The following CERS3 variants were observed in gnomAD, a reference collection of about 807,000 sequenced individuals.
The protein encoded by CERS3 is LAG1 homolog, ceramide synthase 3.
In CERS3, 33 loss-of-function variants were observed where a neutral mutation model predicts 50.3. That is an observed-to-expected ratio of 0.66 (90% CI 0.50 to 0.88). The LOEUF (loss-of-function observed/expected upper bound fraction) is 0.88, where lower values mean the gene tolerates loss of function less well. CERS3 is among the 40% of genes least tolerant of loss of function. The pLI is 0.00. For missense variants in CERS3, 470 were observed against 460.3 expected (o/e 1.02, Z -0.19); for synonymous variants, 176 against 155.2 (o/e 1.13, Z -0.99).
At chr15:100,474,459 C>A (rs2035061998) in intron 8 of CERS3, among the ~76,000 whole-genome samples, 1 of 151,720 alleles carries the variant, frequency 6.6e-6, no homozygotes, top group Non-Finnish European at 1.5e-5. Flanking sequence ...GGCTGCAGTG[C>A]AGTGGTGCGA....
At chr15:100,501,878 T>C (rs1394047346) in intron 2 of CERS3, 28 bp from the exon 3 acceptor site, 2 of 1,607,422 alleles carry the variant, frequency 1.2e-6, no homozygotes, top group South Asian at 2.2e-5. Flanking sequence ...GACATTAGGC[T>C]TGTAAAACAA....
At position 100,496,486 on chromosome 15, in the gene CERS3, G is replaced by C. The variant is rs571600665; in HGVS notation, c.173+5191C>G. On this transcript the variant is annotated intron_variant, in intron 3 of 11. Transcript: ENST00000679737. ...AAATATTAGAAAATACAAAATTATA[G>C]TGACAGAAAATAGATTAGTGATTGC... Among the ~76,000 whole-genome samples the C allele has an allele frequency of 2.6e-5, 4 of 152,278 alleles. No individual in the cohort carries two copies. In the East Asian group the frequency reaches 5.8e-4, roughly 22 times the overall value.
intron 2 of CERS3, among the ~76,000 whole-genome samples, chr15:100,519,186 A>G (rs2036575936): frequency 6.6e-6 from 1 of 151,710 alleles, no homozygotes; most frequent in Non-Finnish European, 1.5e-5. Context: ...GCCAAAAAAT[A>G]TACTTGGCCA....
intron 11 of CERS3, among the ~76,000 whole-genome samples, chr15:100,404,778 C>G (rs2030857626): frequency 6.6e-6 from 1 of 152,182 alleles, no homozygotes; most frequent in South Asian, 2.1e-4. Flanking sequence ...AATAAACATG[C>G]AGATCAGTGG....
intron 10 of CERS3, 103 bp from the exon 11 acceptor site, chr15:100,456,149 G>A (rs1016850246): frequency 1.1e-4 from 80 of 748,104 alleles, no homozygotes; most frequent in African/African-American, 2.6e-4. Flanking sequence ...CATGTATTTC[G>A]TTTCTAATAA....
chr15:100,466,840 C>CCTCTCTCCCTCTCTCTCTCTCTCT (rs1162475657), intron 10 of CERS3, among the ~76,000 whole-genome samples: 747 of 27,862 alleles, frequency 0.027, 36 homozygotes, highest in Non-Finnish European at 0.031. Context: ...TCCCTCTCTC[C>CCTCTCTCCCTCTCTCTCTCTCTCT]CTCTCTCTTT....
intron 11 of CERS3, among the ~76,000 whole-genome samples, chr15:100,426,848 C>T (rs2032843431): frequency 6.6e-6 from 1 of 152,210 alleles, no homozygotes; most frequent in Non-Finnish European, 1.5e-5. Flanking sequence ...ATGGTACTCC[C>T]ACCCACTCAG....
chr15:100,532,251 C>T (rs968028528), upstream of CERS3, among the ~76,000 whole-genome samples: 4 of 152,236 alleles, frequency 2.6e-5, no homozygotes, highest in South Asian at 2.1e-4. Flanking sequence ...AACCTAATTT[C>T]GTAGAGAAGA....
At chr15:100,491,344 C>T (rs1403541922) in intron 3 of CERS3, among the ~76,000 whole-genome samples, 1 of 152,092 alleles carries the variant, frequency 6.6e-6, no homozygotes, top group East Asian at 1.9e-4. Flanking sequence ...GAAAAAATGG[C>T]ACAACTCTAG....
At chr15:100,409,302 T>G (rs2031294629) in intron 11 of CERS3, among the ~76,000 whole-genome samples, 1 of 152,210 alleles carries the variant, frequency 6.6e-6, no homozygotes, top group Admixed American at 6.5e-5. Context: ...TGTTCTACAT[T>G]CTATTTCATT....
Position 100,510,016 on chromosome 15 carries a change from C to G in CERS3, c.-1-8166G>C, listed in dbSNP as rs545840876. On this transcript the variant is annotated intron_variant, in intron 2 of 11. Transcript: ENST00000679737. ...TGTGCTTTCTTTGGAACCAGCTCTA[C>G]AAACCCAGCCAAAAAAAAAAAAATA... is the stretch of plus-strand genomic sequence containing the variant. Among the ~76,000 whole-genome samples, 149 of 80,068 alleles carry G rather than the reference C, an allele frequency of 1.9e-3. 1 individual carries two copies. In the East Asian group the frequency reaches 0.045, roughly 24 times the overall value. The allele number at this position is 80,068 out of a possible 152,430, so 52.5% of individuals were successfully genotyped here.
At chr15:100,480,186 C>A in intron 5 of CERS3, 140 bp from the exon 6 acceptor site, 1 of 659,044 alleles carries the variant, frequency 1.5e-6, no homozygotes, top group Admixed American at 2.9e-5. Flanking sequence ...GGCTCTGCCC[C>A]ACTTATTAGA....
At chr15:100,531,066 A>G (rs2036927299), upstream of CERS3, among the ~76,000 whole-genome samples, 1 of 152,170 alleles carries the variant, frequency 6.6e-6, no homozygotes, top group Admixed American at 6.5e-5. Context: ...CCTGGGTGAC[A>G]GAGTGAGACT....
chr15:100,475,931 A>G, intron 8 of CERS3, 155 bp downstream of exon 8: 1 of 385,200 alleles, frequency 2.6e-6, no homozygotes. Flanking sequence ...AAGCATGAGT[A>G]TAATTAGCAA....
intron 11 of CERS3, among the ~76,000 whole-genome samples, chr15:100,405,233 TA>T (rs752244347): frequency 1.4e-3 from 50 of 34,924 alleles, no homozygotes; most frequent in East Asian, 6.7e-3. Context: ...AACTCAATGG[TA>T]AAAAAAAAAA....
rs963518702 is a variant in CERS3, at chr15:100,402,112, A to T, written c.*601T>A. On this transcript the variant is annotated 3_prime_UTR_variant, in exon 12 of 12. Transcript: ENST00000679737. ...GTGCAAAGTGGGTTGGTTCACGATGACCCCACGGTTGACAGTGTGTACTTA... is the reference window on the plus strand; with the variant it reads ...GTGCAAAGTGGGTTGGTTCACGATGTCCCCACGGTTGACAGTGTGTACTTA... The T allele has an allele frequency of 6.6e-6, 1 of 152,162 alleles. No individual in the cohort carries two copies. Among genetic ancestry groups the T allele is most frequent in the African/African-American group, 2.4e-5 (1 of 41,398 alleles). The allele number at this position is 152,162 out of a possible 1,614,324, so 9.4% of individuals were successfully genotyped here.
At chr15:100,524,603 AT>A (rs1196159750) in intron 1 of CERS3, among the ~76,000 whole-genome samples, 1 of 152,246 alleles carries the variant, frequency 6.6e-6, no homozygotes, top group Non-Finnish European at 1.5e-5. Flanking sequence ...ACAAATGAAA[AT>A]TGCTAATCTG....
At chr15:100,465,012 A>G (rs1438203354) in intron 10 of CERS3, among the ~76,000 whole-genome samples, 1 of 152,116 alleles carries the variant, frequency 6.6e-6, no homozygotes, top group African/African-American at 2.4e-5. Flanking sequence ...AAAATCAGAG[A>G]AAGGTCAAAG....
intron 11 of CERS3, among the ~76,000 whole-genome samples, chr15:100,420,440 A>G (rs1188197797): frequency 6.6e-6 from 1 of 152,222 alleles, no homozygotes; most frequent in African/African-American, 2.4e-5. Context: ...GCAATAATCA[A>G]TAGCTTACCA....
Sources: gnomAD v4.1 joint callset for allele counts (sites outside exome capture counted in the v4.1 genomes callset) on GRCh38, gnomAD v4.1.1 for gene constraint, MANE v1.5 for transcripts, NCBI Gene and HGNC (gene_info 2026-07-23, HGNC 2026-07-21) for gene names.